The following SLC4A5 variants were observed in gnomAD, a reference collection of about 807,000 sequenced individuals.
SLC4A5 encodes the protein electrogenic sodium bicarbonate cotransporter 4.
A neutral mutation model predicts 120.4 loss-of-function variants in SLC4A5; 96 were observed. The ratio of observed to expected loss-of-function variants is 0.80; its 90% confidence interval spans 0.68 to 0.94. SLC4A5 has a LOEUF of 0.94. Ranked by LOEUF, SLC4A5 falls within the 40% of genes least tolerant of loss-of-function variation. The pLI is 0.00. For missense variants in SLC4A5, 1,259 were observed against 1,459.5 expected (o/e 0.86, Z 2.24); for synonymous variants, 550 against 571.1 (o/e 0.96, Z 0.53).
At chr2:74,261,706 T>C (rs1369428790) in intron 11 of SLC4A5, among the ~76,000 whole-genome samples, 1 of 152,084 alleles carries the variant, frequency 6.6e-6, no homozygotes, top group Non-Finnish European at 1.5e-5. Flanking sequence ...CCACATTTCT[T>C]CTCCATGGTG....
At position 74,233,746 on chromosome 2, in the gene SLC4A5, C is replaced by T. The variant is rs182352450; in HGVS notation, c.2434-183G>A. ...GACTAAATTCAGACATGGGAAGGAG[C>T]ATGCATGCAGACAGTGTCTGTAAAA... On this transcript the variant is annotated intron_variant, in intron 22 of 30. Coordinates refer to ENST00000394019, the Ensembl canonical transcript of SLC4A5. Among the ~76,000 whole-genome samples the T allele has an allele frequency of 3.0e-3, 461 of 152,300 alleles. 3 individuals carry two copies. Among genetic ancestry groups the T allele is most frequent in the African/African-American group, 0.01 (416 of 41,556 alleles).
chr2:74,295,960 T>G (rs866517035), intron 7 of SLC4A5, among the ~76,000 whole-genome samples: 4 of 152,200 alleles, frequency 2.6e-5, no homozygotes, highest in African/African-American at 4.8e-5. Context: ...TTCTAGAATG[T>G]GGCGAGGAGG....
intron 12 of SLC4A5, 127 bp downstream of exon 12, chr2:74,259,461 G>T: frequency 2.7e-6 from 3 of 1,095,110 alleles, no homozygotes; most frequent in Admixed American, 1.8e-5. Flanking sequence ...CCCCACTGGG[G>T]ATCTTCCTGG....
chr2:74,330,475 GGGTGGTGAGGTGTAGATGGT>G (rs1673327996), intron 4 of SLC4A5, among the ~76,000 whole-genome samples: 1 of 150,674 alleles, frequency 6.6e-6, no homozygotes, highest in Non-Finnish European at 1.5e-5. Context: ...ATATAGGTGA[GGGTGGTGAGGTGTAGATGGT>G]GGTGGTGAGG....
chr2:74,307,809 C>T (rs1672691751), intron 6 of SLC4A5: 2 of 356,102 alleles, frequency 5.6e-6, no homozygotes, highest in Admixed American at 3.6e-5. Flanking sequence ...GACCCCCAGC[C>T]ATCCCCATGC....
chr2:74,278,099 G>C (rs1244285685), intron 8 of SLC4A5, among the ~76,000 whole-genome samples: 1 of 152,168 alleles, frequency 6.6e-6, no homozygotes, highest in East Asian at 1.9e-4. Context: ...AAATCAAGTA[G>C]GGGTTTTGAC....
chr2:74,310,808 C>T (rs1439990819), intron 6 of SLC4A5, among the ~76,000 whole-genome samples: 2 of 152,020 alleles, frequency 1.3e-5, no homozygotes, highest in Admixed American at 1.3e-4. Context: ...ATAATGCTGA[C>T]TTCATGGGAT....
At chr2:74,242,658 C>T (rs1305899619) in intron 19 of SLC4A5, among the ~76,000 whole-genome samples, 1 of 152,122 alleles carries the variant, frequency 6.6e-6, no homozygotes, top group East Asian at 1.9e-4. Context: ...TTCACCTCCA[C>T]AGATACGTCC....
At chr2:74,330,652 G>T (rs113719337) in intron 4 of SLC4A5, among the ~76,000 whole-genome samples, 1,337 of 7,612 alleles carry the variant, frequency 0.18, no homozygotes, top group Non-Finnish European at 0.2. Flanking sequence ...GGTCTAGATG[G>T]GGGTGGTGAG....
chr2:74,251,860 C>T (rs922583515), intron 16 of SLC4A5, among the ~76,000 whole-genome samples: 9 of 152,254 alleles, frequency 5.9e-5, no homozygotes, highest in Admixed American at 5.2e-4. Flanking sequence ...GCCTCCAGAA[C>T]TGCAGGAGAG....
At chr2:74,268,232 TA>T (rs1170503557) in intron 8 of SLC4A5, among the ~76,000 whole-genome samples, 1 of 152,082 alleles carries the variant, frequency 6.6e-6, no homozygotes. Context: ...TTAGGAACAA[TA>T]AAAAAAGAAG....
chr2:74,296,500 C>A (rs895281819), intron 7 of SLC4A5, among the ~76,000 whole-genome samples: 1 of 151,324 alleles, frequency 6.6e-6, no homozygotes, highest in Non-Finnish European at 1.5e-5. Context: ...CTGTGGCTCA[C>A]GTCTGTAATC....
chr2:74,318,030 A>G (rs1049231281), intron 5 of SLC4A5, among the ~76,000 whole-genome samples: 2 of 152,236 alleles, frequency 1.3e-5, no homozygotes, highest in African/African-American at 4.8e-5. Flanking sequence ...ATGTAGTAGC[A>G]AATGTCACAA....
intron 8 of SLC4A5, among the ~76,000 whole-genome samples, chr2:74,269,600 G>A (rs1218692491): frequency 1.3e-5 from 2 of 151,926 alleles, no homozygotes; most frequent in African/African-American, 4.8e-5. Context: ...TATTCAGCTT[G>A]CCTTTTATTG....
chr2:74,314,401 G>A (rs564173673), intron 6 of SLC4A5, among the ~76,000 whole-genome samples: 1 of 152,128 alleles, frequency 6.6e-6, no homozygotes, highest in East Asian at 1.9e-4. Flanking sequence ...GCAGCTCACC[G>A]AGCCTCTAGG....
At chr2:74,285,941 G>A in intron 7 of SLC4A5, 39 bp from the exon 8 acceptor site, 4 of 1,537,950 alleles carry the variant, frequency 2.6e-6, no homozygotes, top group African/African-American at 1.4e-5. Context: ...AGTGTCCCAT[G>A]GAAGGCAGGA....
chr2:74,340,050 A>G lies in SLC4A5; in HGVS notation c.-269-1147T>C, dbSNP rs529242332. ...GGGCCTGGGGCAGTGAGAAATGGGG[A>G]GTTAGTGTTTAATGGGTATAAAGTT... On this transcript the variant is annotated intron_variant, in intron 2 of 30. Transcript: ENST00000394019. Among the ~76,000 whole-genome samples, 784 of 152,296 alleles carry G rather than the reference A, an allele frequency of 5.1e-3. 9 individuals carry two copies. Among genetic ancestry groups the G allele is most frequent in the African/African-American group, 0.017 (693 of 41,566 alleles).
chr2:74,342,682 G>C (rs1673653552), intron 1 of SLC4A5, 148 bp from the exon 2 acceptor site: 1 of 152,196 alleles, frequency 6.6e-6, no homozygotes, highest in South Asian at 2.1e-4. Flanking sequence ...TGATACATAA[G>C]AGCTATGCAG....
intron 6 of SLC4A5, among the ~76,000 whole-genome samples, chr2:74,309,934 T>A (rs773297256): frequency 3.3e-5 from 5 of 152,170 alleles, no homozygotes; most frequent in Non-Finnish European, 7.4e-5. Flanking sequence ...AGTGCTGGGA[T>A]TACAGGCATG....
Sources: gnomAD v4.1 joint callset for allele counts (sites outside exome capture counted in the v4.1 genomes callset) on GRCh38, gnomAD v4.1.1 for gene constraint, MANE v1.5 for transcripts, NCBI Gene and HGNC (gene_info 2026-07-23, HGNC 2026-07-21) for gene names.